Variants in KLF16 observed in about 807,000 individuals in gnomAD.
KLF16 encodes Krueppel-like factor 16.
In KLF16, 6 loss-of-function variants were observed where a neutral mutation model predicts 6.1. The observed-to-expected ratio is 0.98, with a 90% CI of 0.54 to 1.93. The LOEUF is 1.93. KLF16 is among the 30% of genes most tolerant of loss of function. The probability of loss-of-function intolerance (pLI) is 0.01; values close to 1 mark genes in which losing one functional copy is unlikely to be tolerated. For missense variants in KLF16, 355 were observed against 363.8 expected (o/e 0.98, Z 0.20); for synonymous variants, 211 against 176.5 (o/e 1.20, Z -1.55).
At chr19:1,874,901 C>G in the KLF16 span, 1 of 152,056 alleles carries the variant, frequency 6.6e-6, no homozygotes, top group Non-Finnish European at 1.5e-5. Context: ...AATAGTCAAA[C>G]GTTTATAATA....
At chr19:1,870,280 C>T in the KLF16 span, among the ~76,000 whole-genome samples, 2 of 151,970 alleles carry the variant, frequency 1.3e-5, no homozygotes, top group Admixed American at 6.6e-5. Context: ...GGTGACTGGA[C>T]TGAATAATAA....
chr19:1,863,153 G>C lies in KLF16; in HGVS notation c.345C>G (p.Ala115=). 1 of 1,306,444 alleles carries C rather than the reference G, an allele frequency of 7.7e-7. No individual in the cohort carries two copies. Among genetic ancestry groups the C allele is most frequent in the Non-Finnish European group, 9.9e-7 (1 of 1,009,710 alleles). The allele number at this position is 1,306,444 out of a possible 1,614,324, so 80.9% of individuals were successfully genotyped here. ...CGGCGGCGGAGGGCGCGGCGCCGGG[G>C]GCGCGGCCCGAGGACGGGGACGAGG... The part of the protein sequence containing the change: ...SAASSPSSGR[A]PGAAPSAAAK... The change falls in exon 1 of 2, where the codon GCC becomes GCG. Residue 115 remains alanine (A), a synonymous_variant. Transcript: ENST00000250916.
chr19:1,855,120 G>T (rs1222655115), intron 1 of KLF16, among the ~76,000 whole-genome samples: 1 of 152,138 alleles, frequency 6.6e-6, no homozygotes, highest in Non-Finnish European at 1.5e-5. Context: ...ATTAGCAAAG[G>T]CCTCCCAGTG....
chr19:1,869,496 G>A, the KLF16 span, among the ~76,000 whole-genome samples: 1 of 152,136 alleles, frequency 6.6e-6, no homozygotes, highest in Non-Finnish European at 1.5e-5. Flanking sequence ...AAAAGAAAAT[G>A]TTCTGGTTTT....
At chr19:1,859,208 G>A (rs1009890363) in intron 1 of KLF16, among the ~76,000 whole-genome samples, 2 of 152,064 alleles carry the variant, frequency 1.3e-5, no homozygotes, top group East Asian at 1.9e-4. Flanking sequence ...GCCTGGGGGT[G>A]GAGGAGAGAA....
At chr19:1,862,007 A>G (rs1486762543) in intron 1 of KLF16, 5 of 152,206 alleles carry the variant, frequency 3.3e-5, no homozygotes, top group African/African-American at 1.2e-4. Context: ...TAGAAATGAG[A>G]AAATTGAGAC....
At position 1,853,456 on chromosome 19, in the gene KLF16, C is replaced by G. The variant is rs867615688; in HGVS notation, c.*1003G>C. ...GCCGGGCCAGGCTGCAGCCCAGGCC[C>G]GGAAGAGCCTGCAACCCCGGCGGGC... On this transcript the variant is annotated 3_prime_UTR_variant, in exon 2 of 2. Coordinates refer to ENST00000250916, the MANE Select transcript of KLF16 (RefSeq NM_031918.4). 2 of 152,598 alleles carry G rather than the reference C, an allele frequency of 1.3e-5. No homozygotes were observed. The highest frequency in any genetic ancestry group is 4.8e-5 in the African/African-American group (2 of 41,394). 9.5% of individuals were successfully genotyped at this position (152,598 alleles called of 1,614,324 possible).
the KLF16 span, among the ~76,000 whole-genome samples, chr19:1,869,243 G>A: frequency 3.9e-5 from 6 of 152,182 alleles, no homozygotes; most frequent in East Asian, 1.9e-4. Flanking sequence ...TCCAGAGGCC[G>A]AGACAGGTGG....
chr19:1,858,097 G>A (rs752861293), intron 1 of KLF16, among the ~76,000 whole-genome samples: 7 of 149,194 alleles, frequency 4.7e-5, no homozygotes, highest in Non-Finnish European at 1.0e-4. Context: ...CAAACCCCCT[G>A]CTGTTCCCGC....
In KLF16 at chr19:1,857,159, G is replaced by A. The variant is rs1312116376; in HGVS notation, c.458-2399C>T. On this transcript the variant is annotated intron_variant, in intron 1 of 1. Coordinates refer to ENST00000250916, the MANE Select transcript of KLF16 (RefSeq NM_031918.4). The surrounding 1 kb of genome is among the most constrained non-coding windows in gnomAD (Gnocchi z 4.7). ...CCGCCCCGCGCTTGGAGACTGAGGC[G>A]CGCACATGCGCACGTGGGTGGCGGG... is the stretch of plus-strand genomic sequence containing the variant. Among the ~76,000 whole-genome samples, 1 of 152,150 alleles carries A rather than the reference G, an allele frequency of 6.6e-6. No homozygotes were observed. The highest frequency in any genetic ancestry group is 1.5e-5 in the Non-Finnish European group (1 of 68,028).
chr19:1,854,852 T>C (rs1418722185), intron 1 of KLF16, 92 bp from the exon 2 acceptor site: 4 of 1,404,188 alleles, frequency 2.8e-6, no homozygotes, highest in Non-Finnish European at 3.9e-6. Context: ...TGGCGGGCAT[T>C]TGTCCCGTGC....
At chr19:1,868,946 G>C in the KLF16 span, among the ~76,000 whole-genome samples, 1 of 152,066 alleles carries the variant, frequency 6.6e-6, no homozygotes, top group Admixed American at 6.6e-5. Context: ...CCCGGCCGAT[G>C]AGGGGACGTT....
At chr19:1,874,122 G>T in the KLF16 span, among the ~76,000 whole-genome samples, 1 of 152,166 alleles carries the variant, frequency 6.6e-6, no homozygotes, top group African/African-American at 2.4e-5. Context: ...TTTAAGATGA[G>T]AATTTTATCT....
rs891678864 is a variant in KLF16, at chr19:1,857,775, G to A, written c.458-3015C>T. Among the ~76,000 whole-genome samples, 1 of 152,086 alleles carries A rather than the reference G, an allele frequency of 6.6e-6. No homozygotes were observed. The highest frequency in any genetic ancestry group is 1.5e-5 in the Non-Finnish European group (1 of 67,980). On this transcript the variant is annotated intron_variant, in intron 1 of 1. Transcript: ENST00000250916. This position sits in a 1 kb window ranked among gnomAD's most constrained non-coding sequence, Gnocchi z 4.7. ...CAGGTGGGGAAGACCAGCCCCAGCC[G>A]CAAAGCAAGCATCCCAGGAGAGCCA...
chr19:1,869,416 G>C, the KLF16 span, among the ~76,000 whole-genome samples: 489 of 152,244 alleles, frequency 3.2e-3, 5 homozygotes, highest in African/African-American at 0.011. Flanking sequence ...GGAGGCGGAG[G>C]TTGCAGTGAA....
Position 1,857,436 on chromosome 19 carries a change from G to A in KLF16, c.458-2676C>T, listed in dbSNP as rs972859638. ...GACAACGCGGGAGGGCAGTGTGGGC[G>A]GGGCCGCGGTGGACTTGACCCTCTG... On this transcript the variant is annotated intron_variant, in intron 1 of 1. Coordinates refer to ENST00000250916, the MANE Select transcript of KLF16 (RefSeq NM_031918.4). This position sits in a 1 kb window ranked among gnomAD's most constrained non-coding sequence, Gnocchi z 4.7. 1.3e-5 allele frequency among the ~76,000 whole-genome samples: 2 copies of A among 152,232 alleles called. No homozygotes were observed. Among genetic ancestry groups the A allele is most frequent in the Non-Finnish European group, 2.9e-5 (2 of 68,038 alleles).
At chr19:1,858,620 G>C (rs563849948) in intron 1 of KLF16, among the ~76,000 whole-genome samples, 27 of 152,262 alleles carry the variant, frequency 1.8e-4, no homozygotes, top group African/African-American at 6.5e-4. Flanking sequence ...GTTCCAACAA[G>C]AGCAAGGGCA....
chr19:1,876,533 C>A, the KLF16 span, among the ~76,000 whole-genome samples: 9 of 152,238 alleles, frequency 5.9e-5, no homozygotes, highest in Non-Finnish European at 7.4e-5. Flanking sequence ...CCCAGCTTCG[C>A]CATCTACGAA....
chr19:1,859,706 C>G (rs2012024561), intron 1 of KLF16, among the ~76,000 whole-genome samples: 1 of 152,160 alleles, frequency 6.6e-6, no homozygotes, highest in African/African-American at 2.4e-5. Flanking sequence ...CACCCCCCAC[C>G]CCGCCCCCCG....
Sources: gnomAD v4.1 joint callset for allele counts (sites outside exome capture counted in the v4.1 genomes callset) on GRCh38, gnomAD v4.1.1 for gene constraint, Gnocchi (gnomAD v3.1) non-coding constraint, MANE v1.5 for transcripts, NCBI Gene and HGNC (gene_info 2026-07-23, HGNC 2026-07-21) for gene names.